TNIK: variants seen among roughly 807,000 people sequenced by gnomAD.
The protein encoded by TNIK is TRAF2 and NCK-interacting protein kinase.
TNIK carries 49 observed loss-of-function variants against 191.3 expected under a neutral mutation model. The observed-to-expected ratio is 0.26, with a 90% CI of 0.20 to 0.32. TNIK has a LOEUF of 0.32. Ranked by LOEUF, TNIK falls within the 10% of genes least tolerant of loss-of-function variation. The pLI, the probability that TNIK is intolerant of heterozygous loss-of-function variation, is 1.00. For synonymous variants in TNIK, 594 were observed against 600.9 expected, an observed-to-expected ratio of 0.99 and a Z score of 0.17; for missense variants, 1,155 against 1,702.3, an observed-to-expected ratio of 0.68 and a Z score of 5.66.
intron 18 of TNIK, among the ~76,000 whole-genome samples, chr3:171,120,470 G>A (rs963785357): frequency 6.6e-6 from 1 of 151,738 alleles, no homozygotes; most frequent in Admixed American, 6.6e-5. Flanking sequence ...ACAGGCGCCT[G>A]CCACCATGCT....
At chr3:171,240,107 G>A (rs1171016658) in intron 2 of TNIK, among the ~76,000 whole-genome samples, 1 of 152,204 alleles carries the variant, frequency 6.6e-6, no homozygotes, top group Non-Finnish European at 1.5e-5. Flanking sequence ...TTCGTCTCAA[G>A]GAGGGTGAGT....
At chr3:171,330,707 C>G (rs990713356) in intron 2 of TNIK, among the ~76,000 whole-genome samples, 1 of 152,138 alleles carries the variant, frequency 6.6e-6, no homozygotes, top group Non-Finnish European at 1.5e-5. Context: ...TACATATGAT[C>G]CTTCTGTTCC....
chr3:171,327,492 C>G (rs1399692668), intron 2 of TNIK, among the ~76,000 whole-genome samples: 1 of 152,118 alleles, frequency 6.6e-6, no homozygotes, highest in South Asian at 2.1e-4. Flanking sequence ...TAAAACACCC[C>G]ACAAAGATGG....
chr3:171,078,966 G>A (rs886700482), intron 28 of TNIK, among the ~76,000 whole-genome samples: 8 of 152,160 alleles, frequency 5.3e-5, no homozygotes, highest in Admixed American at 6.5e-5. Context: ...ACTCAGAGGT[G>A]GAGACTGGGT....
intron 7 of TNIK, among the ~76,000 whole-genome samples, chr3:171,185,486 A>G (rs1449693579): frequency 6.6e-6 from 1 of 152,206 alleles, no homozygotes; most frequent in African/African-American, 2.4e-5. Context: ...TGCCCCACAT[A>G]CTTATCAGGG....
chr3:171,367,078 C>T (rs1266040524), intron 2 of TNIK, among the ~76,000 whole-genome samples: 1 of 152,086 alleles, frequency 6.6e-6, no homozygotes, highest in African/African-American at 2.4e-5. Flanking sequence ...GGAGAACAGA[C>T]TAATACAGTA....
chr3:171,084,265 A>T lies in TNIK; in HGVS notation c.3059T>A (p.Ile1020Asn), dbSNP rs923414143. ...EQAKLNEARK[I>N]SVVNVNPTNI... ...GGTTGGGTTTACATTTACCACCGAAATCTTTCTTGCTTCATTGAGTTTGGC... is the reference window on the plus strand; with the variant it reads ...GGTTGGGTTTACATTTACCACCGAATTCTTTCTTGCTTCATTGAGTTTGGC... Residue 1020 changes from isoleucine to asparagine, a missense_variant, in exon 26 of 33, where the codon ATT becomes AAT. Coordinates refer to ENST00000436636, the MANE Select transcript of TNIK (RefSeq NM_015028.4). The T allele has an allele frequency of 1.2e-6, 2 of 1,613,782 alleles. No homozygotes were observed. The highest frequency in any genetic ancestry group is 1.7e-6 in the Non-Finnish European group (2 of 1,179,826).
chr3:171,155,196 G>C (rs1212904048), intron 12 of TNIK, among the ~76,000 whole-genome samples: 1 of 152,164 alleles, frequency 6.6e-6, no homozygotes, highest in African/African-American at 2.4e-5. Flanking sequence ...TGACAATGTA[G>C]TCCAAGTTCC....
chr3:171,302,454 G>C (rs561208454), intron 2 of TNIK, among the ~76,000 whole-genome samples: 4 of 152,144 alleles, frequency 2.6e-5, no homozygotes, highest in Non-Finnish European at 5.9e-5. Context: ...ATACTATGAA[G>C]TGCTCAGTAA....
At chr3:171,322,644 A>T (rs1755282378) in intron 2 of TNIK, among the ~76,000 whole-genome samples, 1 of 152,158 alleles carries the variant, frequency 6.6e-6, no homozygotes. Flanking sequence ...ATACGCACAT[A>T]TGCAGGTAGG....
chr3:171,440,585 A>C (rs1187465204), intron 1 of TNIK, among the ~76,000 whole-genome samples: 1 of 152,220 alleles, frequency 6.6e-6, no homozygotes, highest in Non-Finnish European at 1.5e-5. Flanking sequence ...TAGATCATAG[A>C]AGGTCTTGCT....
chr3:171,343,308 A>C (rs879376047), intron 2 of TNIK, among the ~76,000 whole-genome samples: 119 of 152,322 alleles, frequency 7.8e-4, no homozygotes, highest in Admixed American at 1.4e-3. Flanking sequence ...TGTAATGAAA[A>C]TGAGACTAAA....
At chr3:171,200,197 A>C (rs12493269) in intron 4 of TNIK, among the ~76,000 whole-genome samples, 1 of 152,154 alleles carries the variant, frequency 6.6e-6, no homozygotes, top group Non-Finnish European at 1.5e-5. Flanking sequence ...TTCACTCAAC[A>C]CCGCCTAAAT....
At chr3:171,264,247 T>G (rs1230499994) in intron 2 of TNIK, among the ~76,000 whole-genome samples, 1 of 151,710 alleles carries the variant, frequency 6.6e-6, no homozygotes, top group Non-Finnish European at 1.5e-5. Context: ...GAACTTACTA[T>G]TCACTATTCA....
chr3:171,385,509 C>A (rs1718606529), intron 1 of TNIK, among the ~76,000 whole-genome samples: 1 of 152,048 alleles, frequency 6.6e-6, no homozygotes, highest in South Asian at 2.1e-4. Flanking sequence ...TCTGCTCTAA[C>A]AAGTCAGACA....
intron 22 of TNIK, among the ~76,000 whole-genome samples, chr3:171,098,283 A>G (rs1358550448): frequency 6.6e-6 from 1 of 151,642 alleles, no homozygotes; most frequent in Non-Finnish European, 1.5e-5. Flanking sequence ...CATTCTTTTT[A>G]TTCTATAAAG....
intron 2 of TNIK, among the ~76,000 whole-genome samples, chr3:171,228,788 T>A (rs1217607381): frequency 6.6e-6 from 1 of 152,210 alleles, no homozygotes; most frequent in Non-Finnish European, 1.5e-5. Context: ...CAAGGTGGGC[T>A]CTTTTGGTCT....
At chr3:171,397,577 A>G (rs1720416380) in intron 1 of TNIK, among the ~76,000 whole-genome samples, 1 of 152,216 alleles carries the variant, frequency 6.6e-6, no homozygotes, top group Non-Finnish European at 1.5e-5. Context: ...GAAATTAGTT[A>G]AGAACAGAGA....
intron 2 of TNIK, among the ~76,000 whole-genome samples, chr3:171,317,208 G>A (rs539496109): frequency 6.6e-6 from 1 of 152,104 alleles, no homozygotes; most frequent in East Asian, 1.9e-4. Context: ...TCCGGGTCAG[G>A]CCAGGTTCTT....
Sources: allele counts gnomAD v4.1 joint callset (sites outside exome capture counted in the v4.1 genomes callset), GRCh38; gene constraint gnomAD v4.1.1; transcripts MANE v1.5; gene names NCBI Gene and HGNC (gene_info 2026-07-23, HGNC 2026-07-21).